Variants in TBC1D4 observed in about 807,000 individuals in gnomAD.
TBC1D4 encodes the protein TBC1 domain family member 4, also known as TBC (Tre-2, BUB2, CDC16) domain-containing protein.
In TBC1D4, 121 loss-of-function variants were observed where a neutral mutation model predicts 142.5. The ratio of observed to expected loss-of-function variants is 0.85; its 90% CI spans 0.73 to 0.99. The LOEUF is 0.99. TBC1D4 is among the 50% of genes least tolerant of loss of function. The pLI, the probability that TBC1D4 is intolerant of heterozygous loss-of-function variation, is 0.00. For synonymous variants in TBC1D4, 630 were observed against 628.2 expected (o/e 1.00, Z -0.04); for missense variants, 1,475 against 1,606.6 (o/e 0.92, Z 1.40).
intron 1 of TBC1D4, among the ~76,000 whole-genome samples, chr13:75,392,494 C>T (rs1243401592): frequency 6.6e-6 from 1 of 152,172 alleles, no homozygotes; most frequent in Non-Finnish European, 1.5e-5. Flanking sequence ...CTCCTCATTC[C>T]ACTTTAATAT....
At position 75,419,076 on chromosome 13, in the gene TBC1D4, A is replaced by AAC. The variant is rs138018078; in HGVS notation, c.499-56471_499-56470dup. 3.3e-3 allele frequency among the ~76,000 whole-genome samples: 491 copies of AAC among 150,152 alleles called. 1 individual carries two copies. The highest frequency in any genetic ancestry group is 7.3e-3 in the African/African-American group (299 of 41,096). On this transcript the variant is annotated intron_variant, in intron 1 of 20. Transcript: ENST00000377636. ...ACTTTCTCTCTCTTTCACACACACA[A>AAC]ACACACACACACACACACAAATGGA... is the stretch of plus-strand genomic sequence containing the variant.
intron 1 of TBC1D4, among the ~76,000 whole-genome samples, chr13:75,457,805 G>A (rs1178835612): frequency 6.6e-6 from 1 of 152,130 alleles, no homozygotes; most frequent in Non-Finnish European, 1.5e-5. Context: ...AAGCACCTCA[G>A]GTGATTTTTA....
chr13:75,456,130 T>C (rs1439000454), intron 1 of TBC1D4, among the ~76,000 whole-genome samples: 3 of 151,966 alleles, frequency 2.0e-5, no homozygotes, highest in Non-Finnish European at 2.9e-5. Flanking sequence ...AGCTCTCACA[T>C]AGGCTTAGTG....
At chr13:75,345,235 T>C (rs1335114393) in intron 5 of TBC1D4, among the ~76,000 whole-genome samples, 2 of 152,196 alleles carry the variant, frequency 1.3e-5, no homozygotes, top group South Asian at 2.1e-4. Context: ...TTTTTTCATA[T>C]GGATGGAATG....
chr13:75,312,258 G>A (rs1877826066), intron 13 of TBC1D4, among the ~76,000 whole-genome samples: 1 of 151,756 alleles, frequency 6.6e-6, no homozygotes. Flanking sequence ...TTTTATGTGT[G>A]GCTCTTATAA....
Position 75,476,222 on chromosome 13 carries a change from G to A in TBC1D4, c.498+5048C>T, listed in dbSNP as rs930863630. 1.9e-4 allele frequency among the ~76,000 whole-genome samples: 29 copies of A among 152,220 alleles called. No homozygotes were observed. In the Middle Eastern group the frequency reaches 0.01, roughly 54 times the overall value. On this transcript the variant is annotated intron_variant, in intron 1 of 20. Coordinates refer to ENST00000377636, the MANE Select transcript of TBC1D4 (RefSeq NM_014832.5). Reference sequence around the variant, plus strand: ...CGCGCCACTGCACTCCAGCCTGGGCGACAGTGCGAGACTCCACCTCAAAAA... The same window carrying A: ...CGCGCCACTGCACTCCAGCCTGGGCAACAGTGCGAGACTCCACCTCAAAAA...
At chr13:75,410,582 CCTGT>C (rs1885598326) in intron 1 of TBC1D4, among the ~76,000 whole-genome samples, 1 of 152,172 alleles carries the variant, frequency 6.6e-6, no homozygotes, top group African/African-American at 2.4e-5. Context: ...AAATTAAACA[CCTGT>C]CTGTTTTTCA....
At chr13:75,296,882 A>G (rs1487648937) in intron 17 of TBC1D4, among the ~76,000 whole-genome samples, 3 of 152,210 alleles carry the variant, frequency 2.0e-5, no homozygotes, top group African/African-American at 7.2e-5. Flanking sequence ...GATTTTACAC[A>G]TTTTACAGAT....
At chr13:75,309,815 ATTC>A (rs908427056) in intron 14 of TBC1D4, 124 bp downstream of exon 14, 1 of 841,836 alleles carries the variant, frequency 1.2e-6, no homozygotes, top group African/African-American at 1.7e-5. Context: ...ATCAGTAGGT[ATTC>A]TTCTTAAAGT....
At chr13:75,420,935 T>C (rs1217669337) in intron 1 of TBC1D4, among the ~76,000 whole-genome samples, 2 of 152,084 alleles carry the variant, frequency 1.3e-5, no homozygotes, top group Non-Finnish European at 1.5e-5. Flanking sequence ...CAAGCAGTTA[T>C]AAAAGGGGGA....
chr13:75,346,551 TG>T (rs780646037), intron 5 of TBC1D4, among the ~76,000 whole-genome samples: 4 of 152,256 alleles, frequency 2.6e-5, no homozygotes, highest in Non-Finnish European at 5.9e-5. Flanking sequence ...CTATCACTGA[TG>T]GGCATTTGGG....
rs1011134864 is a variant in TBC1D4, at chr13:75,349,223, A to G, written c.1355T>C (p.Leu452Pro). 2.5e-6 allele frequency: 4 copies of G among 1,613,894 alleles called. No individual in the cohort carries two copies. The African/African-American group carries it at 4.0e-5, about 16-fold the overall frequency. ...AGAGTGCATCGGGCAGGCCTCACACAGTTTAATCTGCGTCTTGGCACTCTG... is the reference window on the plus strand; with the variant it reads ...AGAGTGCATCGGGCAGGCCTCACACGGTTTAATCTGCGTCTTGGCACTCTG... ...ALQSAKTQIK[L>P]CEACPMHSLH... is the part of the protein sequence containing the mutation. The change falls in exon 5 of 21, where the codon CTG becomes CCG. Residue 452 changes from leucine (L) to proline (P), a missense_variant. By Grantham distance (98) the Leu-to-Pro change is moderately conservative. This residue lies in a region of TBC1D4 where 1,227 missense variants were observed against 1,267.7 expected (regional missense o/e 0.97). Coordinates refer to ENST00000377636, the MANE Select transcript of TBC1D4 (RefSeq NM_014832.5).
chr13:75,320,496 A>G (rs1260526739), intron 11 of TBC1D4, among the ~76,000 whole-genome samples: 1 of 152,210 alleles, frequency 6.6e-6, no homozygotes, highest in Non-Finnish European at 1.5e-5. Flanking sequence ...ATGAAATAAC[A>G]TTAAATTTTG....
chr13:75,296,630 T>C (rs2195784), intron 17 of TBC1D4, among the ~76,000 whole-genome samples: 90,401 of 151,780 alleles, frequency 0.6, 27,609 homozygotes, highest in Non-Finnish European at 0.63. Context: ...TTCCACCTTA[T>C]AGATACCAAG....
chr13:75,326,032 T>C (rs1308376249), intron 10 of TBC1D4, among the ~76,000 whole-genome samples, 165 bp downstream of exon 10: 1 of 152,210 alleles, frequency 6.6e-6, no homozygotes, highest in Non-Finnish European at 1.5e-5. Context: ...TGCCTTAACC[T>C]TGCCTGTTTC....
At position 75,341,191 on chromosome 13, in the gene TBC1D4, A is replaced by C; in HGVS notation, c.1545T>G (p.Ile515Met). 5.0e-6 allele frequency: 8 copies of C among 1,613,608 alleles called. No homozygotes were observed. Among genetic ancestry groups the C allele is most frequent in the Non-Finnish European group, 6.8e-6 (8 of 1,179,920 alleles). The stretch of plus-strand genomic sequence containing the variant: ...CTTCACACAGCTGCCTCAGGTGTAA[A>C]ATCACAAGTTCATTTTCTTCCTGGT... ...VSDQEENELV[I>M]LHLRQLCEAK... Residue 515 changes from isoleucine (I) to methionine (M), a missense_variant, in exon 7 of 21, where the codon ATT becomes ATG. Physicochemically the swap from Ile to Met is conservative, Grantham distance 10. Around this residue, in one of 2 missense-constraint regions of TBC1D4, gnomAD observed 1,227 missense variants for 1,267.7 expected, o/e 0.97. Coordinates refer to ENST00000377636, the MANE Select transcript of TBC1D4 (RefSeq NM_014832.5).
At chr13:75,340,201 T>C (rs1467154247) in intron 7 of TBC1D4, among the ~76,000 whole-genome samples, 1 of 152,248 alleles carries the variant, frequency 6.6e-6, no homozygotes, top group African/African-American at 2.4e-5. Flanking sequence ...GAAATGCTTG[T>C]TCTGTGACTA....
At chr13:75,407,997 C>G (rs547562887) in intron 1 of TBC1D4, among the ~76,000 whole-genome samples, 1 of 152,184 alleles carries the variant, frequency 6.6e-6, no homozygotes, top group South Asian at 2.1e-4. Flanking sequence ...ATAGATTCAC[C>G]TTTTCAAAGC....
rs530133916 is a variant in TBC1D4, at chr13:75,481,713, C to G, written c.55G>C (p.Glu19Gln). The G allele has an allele frequency of 2.5e-6, 4 of 1,596,408 alleles. No homozygotes were observed. The highest frequency in any genetic ancestry group is 1.1e-5 in the South Asian group (1 of 89,112). The part of the protein sequence containing the change: ...DEPFPHPLEP[E>Q]PGVSAQPGPG... Reference sequence around the variant, plus strand: ...CCGGGCTGAGCTGAGACGCCCGGCTCGGGCTCCAGGGGGTGCGGGAACGGC... The same window carrying G: ...CCGGGCTGAGCTGAGACGCCCGGCTGGGGCTCCAGGGGGTGCGGGAACGGC... The change falls in exon 1 of 21, where the codon GAG (glutamate) becomes CAG (glutamine). Residue 19 changes from glutamate (E) to glutamine (Q), a missense_variant. This residue lies in a region of TBC1D4 where 1,227 missense variants were observed against 1,267.7 expected (regional missense o/e 0.97). Transcript: ENST00000377636.
Sources: allele counts gnomAD v4.1 joint callset (sites outside exome capture counted in the v4.1 genomes callset), GRCh38; gene constraint gnomAD v4.1.1; regional missense constraint gnomAD v4.1.1; transcripts MANE v1.5; gene names NCBI Gene and HGNC (gene_info 2026-07-23, HGNC 2026-07-21).